EBF1: variants seen among roughly 807,000 people sequenced by gnomAD.
EBF1 encodes the protein EBF transcription factor 1, also known as transcription factor COE1.
EBF1 carries 10 observed loss-of-function variants against 68.4 expected under a neutral mutation model. The ratio of observed to expected loss-of-function variants is 0.15; its 90% CI spans 0.09 to 0.25. The LOEUF (loss-of-function observed/expected upper bound fraction) is 0.25, where lower values mean the gene tolerates loss of function less well. EBF1 is among the 10% of genes least tolerant of loss of function. EBF1 has a pLI of 1.00. For missense variants in EBF1, 509 were observed against 794.4 expected, an observed-to-expected ratio of 0.64 and a Z score of 4.32; for synonymous variants, 298 against 299.8, an observed-to-expected ratio of 0.99 and a Z score of 0.06.
chr5:158,893,802 T>C (rs552422091), intron 6 of EBF1, among the ~76,000 whole-genome samples: 1 of 152,274 alleles, frequency 6.6e-6, no homozygotes, highest in South Asian at 2.1e-4. Context: ...TCCAGCCCCA[T>C]TTATCTTCAG....
chr5:158,727,984 TG>T (rs1763334591), intron 11 of EBF1, among the ~76,000 whole-genome samples: 2 of 152,248 alleles, frequency 1.3e-5, no homozygotes, highest in Non-Finnish European at 2.9e-5. Flanking sequence ...AAGAGGAGTT[TG>T]TTTTTTAAGG....
At chr5:158,820,696 T>C (rs1038031200) in intron 8 of EBF1, among the ~76,000 whole-genome samples, 10 of 152,218 alleles carry the variant, frequency 6.6e-5, no homozygotes, top group African/African-American at 2.2e-4. Flanking sequence ...CACAGTGAAA[T>C]GTCACCATTT....
rs191770382 is a variant in EBF1 at position 158,792,916 on chromosome 5, C to G, written c.909+3429G>C. On this transcript the variant is annotated intron_variant, in intron 9 of 15. Coordinates refer to ENST00000313708, the MANE Select transcript of EBF1 (RefSeq NM_024007.5). ...AATTCTACCTGACCTTGGAAGGTAA[C>G]AGCAACTGTTAAGGCACCCCCAGCA... Among the ~76,000 whole-genome samples, 7 of 152,296 alleles carry G rather than the reference C, an allele frequency of 4.6e-5. No homozygotes were observed. In the East Asian group the frequency reaches 1.4e-3, roughly 29 times the overall value.
At chr5:158,747,151 G>A (rs1454514783) in intron 10 of EBF1, among the ~76,000 whole-genome samples, 1 of 152,158 alleles carries the variant, frequency 6.6e-6, no homozygotes, top group Non-Finnish European at 1.5e-5. Flanking sequence ...AGTGACCAGT[G>A]TAAGATCAAC....
At chr5:159,034,873 C>T (rs1400165983) in intron 6 of EBF1, among the ~76,000 whole-genome samples, 2 of 152,168 alleles carry the variant, frequency 1.3e-5, no homozygotes, top group Non-Finnish European at 1.5e-5. Flanking sequence ...TGCTTCCTGC[C>T]TACCTTGTCC....
intron 6 of EBF1, among the ~76,000 whole-genome samples, chr5:158,971,830 G>T (rs944944139): frequency 2.0e-5 from 3 of 152,162 alleles, no homozygotes; most frequent in Non-Finnish European, 4.4e-5. Flanking sequence ...CCCTGGAAAA[G>T]TGCCGAGGAC....
chr5:158,967,196 C>G (rs1174138454), intron 6 of EBF1, among the ~76,000 whole-genome samples: 1 of 152,210 alleles, frequency 6.6e-6, no homozygotes, highest in Non-Finnish European at 1.5e-5. Flanking sequence ...GTGCTGGGCA[C>G]TGTACATGCA....
In EBF1 at chr5:158,777,459, T is replaced by C; in HGVS notation, c.990A>G (p.Lys330=). The change falls in exon 10 of 16, where the codon AAA becomes AAG. Residue 330 remains lysine, a synonymous_variant. Transcript: ENST00000313708. The part of the protein sequence containing the change: ...PGVVEVTLSY[K]SKQFCKGTPG... Reference sequence around the variant, plus strand: ...GTGTTCCTTTGCAGAACTGCTTAGATTTGTAGGACAGTGTGACTTCCACAA... The same window carrying C: ...GTGTTCCTTTGCAGAACTGCTTAGACTTGTAGGACAGTGTGACTTCCACAA... The C allele has an allele frequency of 6.2e-7, 1 of 1,612,874 alleles. No individual in the cohort carries two copies. The highest frequency in any genetic ancestry group is 1.7e-5 in the Admixed American group (1 of 59,916).
At chr5:158,747,625 G>T (rs150163396) in intron 10 of EBF1, among the ~76,000 whole-genome samples, 1 of 152,094 alleles carries the variant, frequency 6.6e-6, no homozygotes, top group Non-Finnish European at 1.5e-5. Context: ...CAAAGCATCC[G>T]CATGTTTTAA....
chr5:158,862,317 A>C (rs1795095111), intron 6 of EBF1, among the ~76,000 whole-genome samples: 1 of 152,198 alleles, frequency 6.6e-6, no homozygotes, highest in Non-Finnish European at 1.5e-5. Flanking sequence ...TGGTTTTGAT[A>C]AGTTGGGTTC....
intron 6 of EBF1, among the ~76,000 whole-genome samples, chr5:158,977,450 A>G (rs1048955429): frequency 4.6e-5 from 7 of 152,182 alleles, no homozygotes; most frequent in African/African-American, 1.4e-4. Context: ...ATCTCATGAC[A>G]TGGATTTGGA....
At chr5:158,754,909 G>A (rs1303064620) in intron 10 of EBF1, among the ~76,000 whole-genome samples, 1 of 152,102 alleles carries the variant, frequency 6.6e-6, no homozygotes, top group African/African-American at 2.4e-5. Context: ...ATTGAATTCA[G>A]TTGAGTGCTC....
At chr5:158,820,646 A>G (rs1784640183) in intron 8 of EBF1, among the ~76,000 whole-genome samples, 1 of 152,212 alleles carries the variant, frequency 6.6e-6, no homozygotes, top group Non-Finnish European at 1.5e-5. Flanking sequence ...GCTGAAGGAA[A>G]TAGGACATAC....
chr5:158,978,952 C>T (rs1455774666), intron 6 of EBF1, among the ~76,000 whole-genome samples: 1 of 151,178 alleles, frequency 6.6e-6, no homozygotes, highest in Non-Finnish European at 1.5e-5. Context: ...ATCAAATATG[C>T]ATCCTTTCTT....
At position 158,799,704 on chromosome 5, in the gene EBF1, G is replaced by A. The variant is rs191187616; in HGVS notation, c.779-3229C>T. On this transcript the variant is annotated intron_variant, in intron 8 of 15. Transcript: ENST00000313708. The stretch of plus-strand genomic sequence containing the variant: ...TTTCTCAACATCTGTAATGCAACGG[G>A]AAGGTGCTGGTGAATTGCACGTGCC... 2.7e-3 allele frequency among the ~76,000 whole-genome samples: 418 copies of A among 152,284 alleles called. 1 individual carries two copies. The highest frequency in any genetic ancestry group is 4.6e-3 in the Non-Finnish European group (313 of 68,016).
intron 7 of EBF1, among the ~76,000 whole-genome samples, chr5:158,833,470 A>G (rs182437079): frequency 2.0e-5 from 3 of 152,280 alleles, no homozygotes; most frequent in Admixed American, 1.3e-4. Flanking sequence ...TTCTACATAC[A>G]TCCATTTTCT....
At chr5:158,912,728 G>T (rs1256837513) in intron 6 of EBF1, among the ~76,000 whole-genome samples, 2 of 152,088 alleles carry the variant, frequency 1.3e-5, no homozygotes, top group Non-Finnish European at 2.9e-5. Context: ...GCTCAGAGAG[G>T]TTAGTTCCCT....
chr5:158,833,177 G>A (rs756174725), intron 7 of EBF1, among the ~76,000 whole-genome samples: 4 of 151,508 alleles, frequency 2.6e-5, no homozygotes, highest in African/African-American at 4.8e-5. Flanking sequence ...GTGGTGGTGC[G>A]TGACTGTAGT....
chr5:159,008,739 G>C (rs991693715), intron 6 of EBF1, among the ~76,000 whole-genome samples: 1 of 152,046 alleles, frequency 6.6e-6, no homozygotes, highest in Non-Finnish European at 1.5e-5. Context: ...GTTTCACCAT[G>C]TTGACCAGGC....
Sources: gnomAD v4.1 joint callset for allele counts (sites outside exome capture counted in the v4.1 genomes callset) on GRCh38, gnomAD v4.1.1 for gene constraint, MANE v1.5 for transcripts, NCBI Gene and HGNC (gene_info 2026-07-23, HGNC 2026-07-21) for gene names.